CIB4: variants seen among roughly 807,000 people sequenced by gnomAD.
The protein encoded by CIB4 is calcium and integrin binding family member 4.
CIB4 carries 25 observed loss-of-function variants against 25.8 expected under a neutral mutation model. The ratio of observed to expected loss-of-function variants is 0.97; its 90% CI spans 0.71 to 1.35. CIB4 has a LOEUF of 1.35. Among genes scored for constraint, CIB4 ranks in the 40% most tolerant of loss-of-function variants. The pLI is 0.00. For synonymous variants in CIB4, 75 were observed against 81.4 expected (o/e 0.92, Z 0.42); for missense variants, 235 against 228.2 (o/e 1.03, Z -0.19).
intron 3 of CIB4, among the ~76,000 whole-genome samples, chr2:26,613,871 T>C (rs952520626): frequency 4.6e-5 from 7 of 152,210 alleles, no homozygotes; most frequent in Admixed American, 3.9e-4. Context: ...TCTCTGCACC[T>C]GGGTGAATGT....
intron 3 of CIB4, chr2:26,605,639 T>C (rs1479041185): frequency 5.3e-5 from 24 of 455,588 alleles, no homozygotes; most frequent in Non-Finnish European, 9.0e-6. Flanking sequence ...AAGGTGGCAG[T>C]GTTGGGTCAG....
chr2:26,630,415 C>G (rs1037931793), intron 2 of CIB4, among the ~76,000 whole-genome samples: 1 of 152,162 alleles, frequency 6.6e-6, no homozygotes, highest in African/African-American at 2.4e-5. Flanking sequence ...TGTGTGACCT[C>G]GGGCAACTCA....
At chr2:26,613,717 G>C (rs561984190) in intron 3 of CIB4, among the ~76,000 whole-genome samples, 2 of 152,182 alleles carry the variant, frequency 1.3e-5, no homozygotes, top group African/African-American at 4.8e-5. Context: ...GAGACTTTAG[G>C]GTTTGCATCC....
intron 3 of CIB4, among the ~76,000 whole-genome samples, chr2:26,607,798 T>A (rs1463862359): frequency 6.6e-6 from 1 of 152,230 alleles, no homozygotes; most frequent in Non-Finnish European, 1.5e-5. Context: ...TGGGCCAGCG[T>A]GTGTCCAGGG....
chr2:26,631,563 G>C (rs1217165568), intron 2 of CIB4, among the ~76,000 whole-genome samples: 4 of 152,208 alleles, frequency 2.6e-5, no homozygotes, highest in Non-Finnish European at 5.9e-5. Context: ...GGCTCTCCCA[G>C]AGCCCTGACG....
chr2:26,595,313 T>C lies in CIB4; in HGVS notation c.191A>G (p.Asn64Ser). Residue 64 changes from asparagine to serine, a missense_variant, in exon 4 of 7, where the codon AAC becomes AGC. By Grantham distance (46) the Asn-to-Ser change is conservative. Coordinates refer to ENST00000288861, the MANE Select transcript of CIB4 (RefSeq NM_001029881.3). ...TCTGCAGATACGGTCTCTGAAAGGG[T>C]TGACCTGTGGGCGACAGGAGGAGCA... ...QVSSLPALRV[N>S]PFRDRICRVF... The C allele has an allele frequency of 6.2e-7, 1 of 1,612,306 alleles. No individual in the cohort carries two copies. Among genetic ancestry groups the C allele is most frequent in the Non-Finnish European group, 8.5e-7 (1 of 1,178,586 alleles).
At chr2:26,594,215 C>A (rs868632305) in intron 4 of CIB4, among the ~76,000 whole-genome samples, 39 of 152,186 alleles carry the variant, frequency 2.6e-4, no homozygotes, top group African/African-American at 9.4e-4. Flanking sequence ...TTGCTATCTG[C>A]AGGAGTGACC....
intron 4 of CIB4, among the ~76,000 whole-genome samples, chr2:26,588,622 G>A (rs568470509): frequency 6.6e-6 from 1 of 152,338 alleles, no homozygotes; most frequent in Admixed American, 6.5e-5. Context: ...GGTGGAGGGA[G>A]GGCTCCTTTC....
At chr2:26,595,576 T>C (rs1035264536) in intron 3 of CIB4, among the ~76,000 whole-genome samples, 6 of 152,248 alleles carry the variant, frequency 3.9e-5, no homozygotes, top group Non-Finnish European at 5.9e-5. Flanking sequence ...ATGGTTATAA[T>C]GCAAATGCAA....
In CIB4 at chr2:26,617,152, G is replaced by A. The variant is rs556876056; in HGVS notation, c.186+12258C>T. 3.0e-4 allele frequency among the ~76,000 whole-genome samples: 46 copies of A among 151,040 alleles called. 1 individual carries two copies. In the South Asian group the frequency reaches 8.9e-3, roughly 29 times the overall value. On this transcript the variant is annotated intron_variant, in intron 3 of 6. Transcript: ENST00000288861. ...TGTGTGTGTGTGTGTGTGTGTGCACGTGAGCGTGGGTGGGCATGATTGTGT... is the reference window on the plus strand; with the variant it reads ...TGTGTGTGTGTGTGTGTGTGTGCACATGAGCGTGGGTGGGCATGATTGTGT...
intron 3 of CIB4, among the ~76,000 whole-genome samples, chr2:26,603,219 T>C (rs1668826630): frequency 6.6e-6 from 1 of 152,012 alleles, no homozygotes; most frequent in Non-Finnish European, 1.5e-5. Flanking sequence ...TGAGAAACTA[T>C]CACAGATCAG....
intron 2 of CIB4, among the ~76,000 whole-genome samples, chr2:26,637,705 G>C (rs1477947293): frequency 1.3e-5 from 2 of 152,046 alleles, no homozygotes; most frequent in East Asian, 3.9e-4. Context: ...TTTTGAACTG[G>C]GACATTTCAG....
chr2:26,610,712 T>G (rs1340000126), intron 3 of CIB4, among the ~76,000 whole-genome samples: 1 of 152,234 alleles, frequency 6.6e-6, no homozygotes, highest in African/African-American at 2.4e-5. Flanking sequence ...ATATTTACTG[T>G]ATATCAGGTG....
intron 4 of CIB4, among the ~76,000 whole-genome samples, chr2:26,592,428 C>T (rs1668602140): frequency 6.6e-6 from 1 of 152,208 alleles, no homozygotes; most frequent in Non-Finnish European, 1.5e-5. Flanking sequence ...ATGAAGCCAA[C>T]AGAATTTGGG....
intron 3 of CIB4, among the ~76,000 whole-genome samples, chr2:26,613,557 C>T (rs1449267619): frequency 6.6e-6 from 1 of 152,230 alleles, no homozygotes; most frequent in Non-Finnish European, 1.5e-5. Flanking sequence ...TAGCATTTCA[C>T]CTCCATTCTG....
At chr2:26,616,170 G>T (rs1261380548) in intron 3 of CIB4, among the ~76,000 whole-genome samples, 1 of 152,240 alleles carries the variant, frequency 6.6e-6, no homozygotes. Flanking sequence ...GTGAGATGAT[G>T]CATGTGTGAC....
At chr2:26,626,108 C>A (rs1572568557) in intron 3 of CIB4, among the ~76,000 whole-genome samples, 2 of 152,116 alleles carry the variant, frequency 1.3e-5, no homozygotes, top group Admixed American at 6.5e-5. Flanking sequence ...TGTTTGTGTA[C>A]CTTTACCATG....
At chr2:26,634,734 C>T (rs1256638173) in intron 2 of CIB4, among the ~76,000 whole-genome samples, 1 of 152,200 alleles carries the variant, frequency 6.6e-6, no homozygotes, top group Non-Finnish European at 1.5e-5. Context: ...CGTTAATGGC[C>T]AGGACAGGGC....
intron 3 of CIB4, 104 bp from the exon 4 acceptor site, chr2:26,595,421 G>T: frequency 8.0e-7 from 1 of 1,244,534 alleles, no homozygotes; most frequent in Non-Finnish European, 1.1e-6. Context: ...GGTTTGAGAT[G>T]AAGACAACAG....
Sources: allele counts gnomAD v4.1 joint callset (sites outside exome capture counted in the v4.1 genomes callset), GRCh38; gene constraint gnomAD v4.1.1; transcripts MANE v1.5; gene names NCBI Gene and HGNC (gene_info 2026-07-23, HGNC 2026-07-21).